Variants in LAS1L observed in about 807,000 individuals in gnomAD.
LAS1L encodes ribosomal biogenesis protein LAS1L.
In LAS1L, 5 loss-of-function variants were observed where a neutral mutation model predicts 57.3. The observed-to-expected ratio is 0.09, with a 90% CI of 0.05 to 0.18. LAS1L has a LOEUF of 0.18. Ranked by LOEUF, LAS1L falls within the 10% of genes least tolerant of loss-of-function variation. LAS1L has a pLI of 1.00. For synonymous variants in LAS1L, 245 were observed against 231.7 expected (o/e 1.06, Z -0.52); for missense variants, 360 against 568.3 (o/e 0.63, Z 3.73).
Position 65,534,699 on chromosome X carries a change from C to T in LAS1L, c.17G>A (p.Gly6Glu). MSWES[G>E]AGPGLGSQGM... ...CTGGGAACCTAGACCTGGCCCGGCC[C>T]CGGATTCCCACGACATACTGAGCTC... Residue 6 changes from glycine to glutamate, a missense_variant, in exon 1 of 14, where the codon GGG (glycine) becomes GAG (glutamate). Transcript: ENST00000374811. 8.5e-7 allele frequency: 1 copy of T among 1,172,835 alleles called. No homozygotes were observed. Among genetic ancestry groups the T allele is most frequent in the Non-Finnish European group, 1.1e-6 (1 of 875,449 alleles).
chrX:65,518,453 G>A lies in LAS1L; in HGVS notation c.1461C>T (p.Ala487=), dbSNP rs2068728064. The A allele has an allele frequency of 8.3e-7, 1 of 1,198,591 alleles. No homozygotes were observed. Among genetic ancestry groups the A allele is most frequent in the Non-Finnish European group, 1.1e-6 (1 of 889,197 alleles). Residue 487 remains alanine, a synonymous_variant, in exon 12 of 14, where the codon GCC becomes GCT. Transcript: ENST00000374811. ...SPQLLRIIFK[A]MGQGLPDEEQ... ...CCTCGTCTGGCAGGCCCTGCCCCAT[G>A]GCTTTGAAGATGCTGAGCAAAGGGA...
At chrX:65,520,558 C>T in intron 11 of LAS1L, 4 of 753,125 alleles carry the variant, frequency 5.3e-6, no homozygotes, top group Non-Finnish European at 6.3e-6. Context: ...TAAGGACAGG[C>T]TATCTGGATT....
At chrX:65,520,065 C>G (rs2068789535) in intron 11 of LAS1L, among the ~76,000 whole-genome samples, 1 of 111,675 alleles carries the variant, frequency 9.0e-6, no homozygotes, top group Admixed American at 9.5e-5. Context: ...CCTTATCAGC[C>G]CTGTTTATGA....
intron 9 of LAS1L, 141 bp downstream of exon 9, chrX:65,524,423 C>G: frequency 4.1e-6 from 2 of 493,198 alleles, no homozygotes; most frequent in South Asian, 5.8e-5. Flanking sequence ...ACAGAGTTGC[C>G]ACCGCAGAAC....
intron 12 of LAS1L, among the ~76,000 whole-genome samples, chrX:65,516,636 T>TACACACACACACACACAC (rs57356313): frequency 1.1e-5 from 1 of 89,587 alleles, no homozygotes; most frequent in Non-Finnish European, 2.2e-5. Context: ...CTTTTTCCTA[T>TACACACACACACACACAC]ACACACACAC....
rs779164715 is a variant in LAS1L at position 65,529,584 on chromosome X, A to G, written c.799+10T>C. On this transcript the variant is annotated intron_variant, in intron 5 of 13. Coordinates refer to ENST00000374811, the MANE Select transcript of LAS1L (RefSeq NM_031206.7). ...CTCATGGGCCGCTTTCTGCCCTCCA[A>G]AACACCTACCATATAGCTCTTTATG... 4.1e-6 allele frequency: 5 copies of G among 1,207,112 alleles called. No individual in the cohort carries two copies. Among genetic ancestry groups the G allele is most frequent in the Non-Finnish European group, 4.5e-6 (4 of 892,816 alleles).
intron 13 of LAS1L, among the ~76,000 whole-genome samples, chrX:65,513,165 A>C (rs920805271): frequency 4.4e-5 from 5 of 112,437 alleles, no homozygotes; most frequent in Non-Finnish European, 9.4e-5. Context: ...ACCAGATTAA[A>C]GCAGAGCTGT....
chrX:65,531,366 A>T lies in LAS1L; in HGVS notation c.505T>A (p.Cys169Ser). 8.3e-7 allele frequency: 1 copy of T among 1,203,754 alleles called. No individual in the cohort carries two copies. Among genetic ancestry groups the T allele is most frequent in the Non-Finnish European group, 1.1e-6 (1 of 888,476 alleles). ...ACCTCTGAGGACTCACCTCTGCGGC[A>T]GTCATTTATATGGGGCATTTTCTTG... ...THKKMPHIND[C>S]RRGCYFVLDW... Residue 169 changes from cysteine to serine, a missense_variant, in exon 4 of 14, where the codon TGC becomes AGC. By Grantham distance (112) the Cys-to-Ser change is moderately radical. Transcript: ENST00000374811.
At chrX:65,523,528 C>T (rs201991961) in intron 11 of LAS1L, 32 bp downstream of exon 11, 2 of 1,144,166 alleles carry the variant, frequency 1.7e-6, no homozygotes, top group South Asian at 2.1e-5. Flanking sequence ...AAGGGCCTCA[C>T]CCTCTTACCG....
At chrX:65,513,434 C>G (rs1285592500) in intron 13 of LAS1L, among the ~76,000 whole-genome samples, 3 of 112,228 alleles carry the variant, frequency 2.7e-5, no homozygotes, top group African/African-American at 9.7e-5. Context: ...CCCTGCTTCC[C>G]GCAAGTCAAG....
chrX:65,518,276 G>C lies in LAS1L; in HGVS notation c.1638C>G (p.Phe546Leu), dbSNP rs751656567. ...GTTGCTGGGCCTTTGCTTCAGACCC[G>C]AAGCTGGAGCTGGCTGGCTTGACGC... is the stretch of plus-strand genomic sequence containing the variant. The part of the protein sequence containing the change: ...YWSVKPASSS[F>L]GSEAKAQQQE... The change falls in exon 12 of 14, where the codon TTC becomes TTG. Residue 546 changes from phenylalanine to leucine, a missense_variant. Phe to Leu is a conservative substitution (Grantham distance 22). This residue lies in a region of LAS1L where 123 missense variants were observed against 168.3 expected (regional missense o/e 0.73). Transcript: ENST00000374811. 18 of 1,210,625 alleles carry C rather than the reference G, an allele frequency of 1.5e-5. No individual in the cohort carries two copies. The South Asian group carries it at 2.8e-4, about 19-fold the overall frequency.
At position 65,512,906 on chromosome X, in the gene LAS1L, GGA is replaced by G; in HGVS notation, c.2079-7_2079-6del. 8.6e-7 allele frequency: 1 copy of G among 1,162,486 alleles called. No homozygotes were observed. Among genetic ancestry groups the G allele is most frequent in the Non-Finnish European group, 1.2e-6 (1 of 869,300 alleles). On this transcript the variant is annotated splice_polypyrimidine_tract_variant and splice_region_variant and intron_variant, in intron 13 of 13. Transcript: ENST00000374811. Reference sequence around the variant, plus strand: ...CCACAGCTCAGGCCCAAGGTGCTGAGGAGAGAGTGGGAGGTCAGTCAGGGAAG... The same window carrying G: ...CCACAGCTCAGGCCCAAGGTGCTGAGGAGAGTGGGAGGTCAGTCAGGGAAG...
rs926806 is a variant in LAS1L, at chrX:65,532,283, T to C, written c.432+278A>G. Among the ~76,000 whole-genome samples the C allele has an allele frequency of 0.24, 26,509 of 112,297 alleles. 7,319 individuals are homozygous for C. The highest frequency in any genetic ancestry group is 0.81 in the African/African-American group (24,857 of 30,756). On this transcript the variant is annotated intron_variant, in intron 3 of 13. Coordinates refer to ENST00000374811, the MANE Select transcript of LAS1L (RefSeq NM_031206.7). ...AGACTGTCAGCTCCATGAGGGCAGG[T>C]GCTGTGACTGTCACCTCTTTCCTGT...
chrX:65,531,426 C>T lies in LAS1L; in HGVS notation c.445G>A (p.Asp149Asn). The T allele has an allele frequency of 8.3e-7, 1 of 1,203,000 alleles. No individual in the cohort carries two copies. The highest frequency in any genetic ancestry group is 1.1e-6 in the Non-Finnish European group (1 of 887,723). ...TCATGGCGAAGGTCAACAATCCAAT[C>T]CGGAATATTTACCTGATTACAGGGG... is the stretch of plus-strand genomic sequence containing the variant. ...KCLAQEVNIPDWIVDLRHELT... is the reference protein window; with the variant it reads ...KCLAQEVNIPNWIVDLRHELT... The change falls in exon 4 of 14, where the codon GAT becomes AAT. Residue 149 changes from aspartate to asparagine, a missense_variant. Physicochemically the swap from Asp to Asn is conservative, Grantham distance 23. Transcript: ENST00000374811.
In LAS1L at chrX:65,531,367, G is replaced by C. The variant is rs1602652648; in HGVS notation, c.504C>G (p.Asp168Glu). 1.7e-6 allele frequency: 2 copies of C among 1,205,013 alleles called. No individual in the cohort carries two copies. The highest frequency in any genetic ancestry group is 2.2e-6 in the Non-Finnish European group (2 of 889,586). The stretch of plus-strand genomic sequence containing the variant: ...CCTCTGAGGACTCACCTCTGCGGCA[G>C]TCATTTATATGGGGCATTTTCTTGT... ...LTHKKMPHIN[D>E]CRRGCYFVLD... Residue 168 changes from aspartate (D) to glutamate (E), a missense_variant, in exon 4 of 14, where the codon GAC becomes GAG. Physicochemically the swap from Asp to Glu is conservative, Grantham distance 45. Coordinates refer to ENST00000374811, the MANE Select transcript of LAS1L (RefSeq NM_031206.7).
intron 7 of LAS1L, among the ~76,000 whole-genome samples, chrX:65,526,396 T>C (rs1206161529): frequency 8.9e-6 from 1 of 112,055 alleles, no homozygotes; most frequent in Non-Finnish European, 1.9e-5. Flanking sequence ...CAGACACTAC[T>C]GTGTTAGGGG....
At chrX:65,529,065 T>C in intron 6 of LAS1L, 147 bp downstream of exon 6, 4 of 531,714 alleles carry the variant, frequency 7.5e-6, no homozygotes, top group East Asian at 7.2e-5. Context: ...TCCTTCCTAG[T>C]TCCCCCCTCT....
intron 11 of LAS1L, chrX:65,518,976 G>C (rs1472950887): frequency 1.3e-6 from 1 of 750,826 alleles, no homozygotes; most frequent in Non-Finnish European, 1.6e-6. Flanking sequence ...CCCTTTATGG[G>C]AGCAGCTACA....
At chrX:65,522,260 C>T (rs1303815532) in intron 11 of LAS1L, 1 of 109,873 alleles carries the variant, frequency 9.1e-6, no homozygotes, top group Non-Finnish European at 1.9e-5. Context: ...GGGGCCCTGC[C>T]GGATGCCTCC....
Sources: gnomAD v4.1 joint callset for allele counts (sites outside exome capture counted in the v4.1 genomes callset) on GRCh38, gnomAD v4.1.1 for gene constraint, gnomAD v4.1.1 regional missense constraint, MANE v1.5 for transcripts, NCBI Gene and HGNC (gene_info 2026-07-23, HGNC 2026-07-21) for gene names.